Variants in CACNB2 observed in about 807,000 individuals in gnomAD.
The protein encoded by CACNB2 is calcium voltage-gated channel auxiliary subunit beta 2, also known as voltage-dependent L-type calcium channel subunit beta-2.
A neutral mutation model predicts 73.3 loss-of-function variants in CACNB2; 42 were observed. The ratio of observed to expected loss-of-function variants is 0.57; its 90% CI spans 0.45 to 0.74. The LOEUF is 0.74. Among genes scored for constraint, CACNB2 ranks in the 30% least tolerant of loss-of-function variants. The probability of loss-of-function intolerance (pLI) is 0.00; values close to 1 mark genes in which losing one functional copy is unlikely to be tolerated. For synonymous variants in CACNB2, 348 were observed against 310.3 expected, an observed-to-expected ratio of 1.12 and a Z score of -1.28; for missense variants, 940 against 853.0, an observed-to-expected ratio of 1.10 and a Z score of -1.27.
chr10:18,523,334 C>T (rs759017270), intron 9 of CACNB2, among the ~76,000 whole-genome samples: 8 of 152,216 alleles, frequency 5.3e-5, no homozygotes, highest in Non-Finnish European at 1.0e-4. Flanking sequence ...TCCTGGATTA[C>T]TACTTGTACT....
chr10:18,150,883 TCATATGG>T lies in CACNB2; in HGVS notation c.122_128del (p.Ser41Ter). 1 of 1,197,030 alleles carries T rather than the reference TCATATGG, an allele frequency of 8.4e-7. No individual in the cohort carries two copies. Among genetic ancestry groups the T allele is most frequent in the Non-Finnish European group, 1.2e-6 (1 of 832,534 alleles). 74.2% of individuals were successfully genotyped at this position (1,197,030 alleles called of 1,614,324 possible). On this transcript the variant is annotated frameshift_variant and splice_region_variant, in exon 2 of 14. Transcript: ENST00000324631. LOFTEE classifies it high-confidence loss of function. ...TTTTTTTTTTTTTTTTTTTTTTTAG[TCATATGG>T]AAAAGGAGCCAGAAGGAAAAACAGA...
At chr10:18,464,593 C>T (rs2047774681) in intron 3 of CACNB2, among the ~76,000 whole-genome samples, 1 of 152,080 alleles carries the variant, frequency 6.6e-6, no homozygotes, top group South Asian at 2.1e-4. Context: ...CTCTCAGGCT[C>T]CCCCTTTTCA....
intron 3 of CACNB2, among the ~76,000 whole-genome samples, chr10:18,444,692 A>C (rs546096157): frequency 1.3e-5 from 2 of 152,272 alleles, no homozygotes; most frequent in East Asian, 3.9e-4. Context: ...GCTACTCTAG[A>C]TTTCCGTAAT....
chr10:18,283,510 GT>G (rs530538319), intron 2 of CACNB2, among the ~76,000 whole-genome samples: 26 of 152,260 alleles, frequency 1.7e-4, no homozygotes, highest in African/African-American at 5.8e-4. Context: ...ATGAGTTCAT[GT>G]CCTTTGTAGG....
intron 10 of CACNB2, among the ~76,000 whole-genome samples, chr10:18,528,776 G>A (rs554736550): frequency 1.3e-5 from 2 of 152,218 alleles, no homozygotes; most frequent in African/African-American, 4.8e-5. Flanking sequence ...TCCTTTTTAT[G>A]TCCTTATCAT....
At chr10:18,519,621 C>A (rs1237880706) in intron 9 of CACNB2, 3 of 436,888 alleles carry the variant, frequency 6.9e-6, no homozygotes, top group Admixed American at 2.5e-5. Flanking sequence ...ATTTCCTGTT[C>A]TAATGGAAAC....
chr10:18,416,264 A>G (rs1462082687), intron 3 of CACNB2, among the ~76,000 whole-genome samples: 1 of 152,136 alleles, frequency 6.6e-6, no homozygotes, highest in Non-Finnish European at 1.5e-5. Flanking sequence ...AGATTCATCT[A>G]TGTTGTCCCA....
chr10:18,375,087 A>G (rs371730800), intron 2 of CACNB2, among the ~76,000 whole-genome samples: 4 of 152,140 alleles, frequency 2.6e-5, no homozygotes, highest in African/African-American at 9.7e-5. Context: ...GAGTGGTGGC[A>G]CACACCTGTG....
At chr10:18,259,502 C>T (rs2037428970) in intron 2 of CACNB2, among the ~76,000 whole-genome samples, 1 of 141,774 alleles carries the variant, frequency 7.1e-6, no homozygotes, top group Non-Finnish European at 1.5e-5. Context: ...TCCAAGAGTT[C>T]AAGACCAGCC....
At chr10:18,149,024 G>A in intron 1 of CACNB2, among the ~76,000 whole-genome samples, 1 of 147,510 alleles carries the variant, frequency 6.8e-6, no homozygotes, top group Non-Finnish European at 1.5e-5. Context: ...AAAAAAAATG[G>A]GATGAGATTA....
At chr10:18,197,582 A>T (rs899202116) in intron 2 of CACNB2, among the ~76,000 whole-genome samples, 11 of 152,172 alleles carry the variant, frequency 7.2e-5, no homozygotes, top group African/African-American at 2.2e-4. Context: ...TCCAAAGTGC[A>T]TCTTAAGAGG....
At chr10:18,424,583 C>T (rs960504862) in intron 3 of CACNB2, among the ~76,000 whole-genome samples, 1 of 152,186 alleles carries the variant, frequency 6.6e-6, no homozygotes, top group Non-Finnish European at 1.5e-5. Context: ...CCTCAACCCC[C>T]TCTATCAGAG....
At chr10:18,334,243 C>T (rs545979857) in intron 2 of CACNB2, among the ~76,000 whole-genome samples, 2 of 152,270 alleles carry the variant, frequency 1.3e-5, no homozygotes, top group East Asian at 1.9e-4. Context: ...GGTGTGAATA[C>T]GAGCTGGGAC....
At chr10:18,290,913 A>G (rs192697271) in intron 2 of CACNB2, among the ~76,000 whole-genome samples, 47 of 152,350 alleles carry the variant, frequency 3.1e-4, no homozygotes, top group African/African-American at 1.1e-3. Flanking sequence ...CACAGGAACA[A>G]AGGGCGGAGC....
At chr10:18,509,966 G>C (rs2050679058) in intron 6 of CACNB2, among the ~76,000 whole-genome samples, 1 of 152,136 alleles carries the variant, frequency 6.6e-6, no homozygotes, top group East Asian at 1.9e-4. Flanking sequence ...AATTTAAAAA[G>C]AGTAACATTT....
chr10:18,380,306 A>G (rs1163582755), intron 2 of CACNB2, among the ~76,000 whole-genome samples: 1 of 152,130 alleles, frequency 6.6e-6, no homozygotes, highest in Non-Finnish European at 1.5e-5. Context: ...AAAAGGTCTT[A>G]TTGGTTGAAA....
intron 3 of CACNB2, among the ~76,000 whole-genome samples, chr10:18,419,430 T>G (rs1205729203): frequency 6.6e-6 from 1 of 151,938 alleles, no homozygotes; most frequent in African/African-American, 2.4e-5. Context: ...TACTTTAAAA[T>G]GAGAGAGAGA....
At chr10:18,289,885 C>G (rs1328430709) in intron 2 of CACNB2, among the ~76,000 whole-genome samples, 1 of 151,870 alleles carries the variant, frequency 6.6e-6, no homozygotes, top group African/African-American at 2.4e-5. Context: ...CCAAAGAATT[C>G]TTAGACACAT....
rs541501697 is a variant in CACNB2 at position 18,350,535 on chromosome 10, G to T, written c.214-51389G>T. Among the ~76,000 whole-genome samples, 8 of 152,258 alleles carry T rather than the reference G, an allele frequency of 5.3e-5. 1 individual carries two copies. In the South Asian group the frequency reaches 1.5e-3, roughly 28 times the overall value. Reference sequence around the variant, plus strand: ...AATGGCCCCAGCTGCTAGAGCAGCCGACGTTCCCTCAGGAGTAGCGCTTTA... The same window carrying T: ...AATGGCCCCAGCTGCTAGAGCAGCCTACGTTCCCTCAGGAGTAGCGCTTTA... On this transcript the variant is annotated intron_variant, in intron 2 of 13. Coordinates refer to ENST00000324631, the MANE Select transcript of CACNB2 (RefSeq NM_201596.3).
Sources: gnomAD v4.1 joint callset for allele counts (sites outside exome capture counted in the v4.1 genomes callset) on GRCh38, gnomAD v4.1.1 for gene constraint, MANE v1.5 for transcripts, NCBI Gene and HGNC (gene_info 2026-07-23, HGNC 2026-07-21) for gene names.